Variants in SPTBN1 observed in about 807,000 individuals in gnomAD.
The protein encoded by SPTBN1 is spectrin beta chain, non-erythrocytic 1.
A neutral mutation model predicts 266.4 loss-of-function variants in SPTBN1; 32 were observed. The observed-to-expected ratio is 0.12, with a 90% CI of 0.09 to 0.16. SPTBN1 has a LOEUF of 0.16. Ranked by LOEUF, SPTBN1 falls within the 10% of genes least tolerant of loss-of-function variation. The pLI is 1.00. For missense variants in SPTBN1, 2,296 were observed against 3,067.1 expected (o/e 0.75, Z 5.94); for synonymous variants, 1,336 against 1,162.2 (o/e 1.15, Z -3.04).
chr2:54,558,447 G>T lies in SPTBN1; in HGVS notation c.148+31881G>T. 4.8e-6 allele frequency: 5 copies of T among 1,051,742 alleles called. No individual in the cohort carries two copies. Among genetic ancestry groups the T allele is most frequent in the Non-Finnish European group, 5.7e-6 (5 of 872,582 alleles). 65.2% of individuals were successfully genotyped at this position (1,051,742 alleles called of 1,614,324 possible). ...GGGCTCGGCAACCGTGGCATGCTTA[G>T]GATTGGCCATATTTAAAAGTTCTGA... On this transcript the variant is annotated intron_variant, in intron 2 of 35. Coordinates refer to ENST00000356805, the MANE Select transcript of SPTBN1 (RefSeq NM_003128.3). This position sits in a 1 kb window ranked among gnomAD's most constrained non-coding sequence, Gnocchi z 4.6.
chr2:54,608,202 A>G (rs62134704), intron 3 of SPTBN1, among the ~76,000 whole-genome samples: 1 of 152,226 alleles, frequency 6.6e-6, no homozygotes, highest in Non-Finnish European at 1.5e-5. Flanking sequence ...ACCCCTGAGA[A>G]TATAGAAGTA....
intron 31 of SPTBN1, 112 bp from the exon 32 acceptor site, chr2:54,659,823 GA>G: frequency 6.8e-7 from 1 of 1,462,136 alleles, no homozygotes; most frequent in Non-Finnish European, 9.0e-7. Context: ...TAAATTATGT[GA>G]AAAGGTTGCA....
intron 1 of SPTBN1, among the ~76,000 whole-genome samples, chr2:54,459,025 G>A (rs1014810859): frequency 2.6e-5 from 4 of 152,134 alleles, no homozygotes; most frequent in Non-Finnish European, 5.9e-5. Flanking sequence ...ATCGTGTTGC[G>A]TACAGATTTT....
intron 17 of SPTBN1, among the ~76,000 whole-genome samples, chr2:54,637,502 T>G (rs1679231756): frequency 6.6e-6 from 1 of 152,198 alleles, no homozygotes; most frequent in Admixed American, 6.5e-5. Context: ...GTTGTGTGGT[T>G]TGGGCAGATT....
chr2:54,572,002 C>A (rs182012585), intron 2 of SPTBN1, among the ~76,000 whole-genome samples: 4 of 152,130 alleles, frequency 2.6e-5, no homozygotes, highest in African/African-American at 4.8e-5. Context: ...TTAATATGAC[C>A]CTAGTGACAA....
intron 18 of SPTBN1, among the ~76,000 whole-genome samples, chr2:54,641,895 A>G (rs1679590626): frequency 4.6e-5 from 7 of 152,160 alleles, no homozygotes; most frequent in Admixed American, 3.9e-4. Flanking sequence ...TACTGGTTTT[A>G]TGTGTCACTT....
At chr2:54,639,133 A>G (rs1679359757) in intron 18 of SPTBN1, among the ~76,000 whole-genome samples, 1 of 152,260 alleles carries the variant, frequency 6.6e-6, no homozygotes, top group Admixed American at 6.5e-5. Flanking sequence ...CGCAAGCATT[A>G]GTAACCCATT....
At chr2:54,606,003 T>G (rs1676816372) in intron 3 of SPTBN1, among the ~76,000 whole-genome samples, 1 of 152,156 alleles carries the variant, frequency 6.6e-6, no homozygotes, top group African/African-American at 2.4e-5. Context: ...TCCCACACCC[T>G]GGACCCCATG....
intron 2 of SPTBN1, among the ~76,000 whole-genome samples, chr2:54,573,251 T>G (rs564531263): frequency 6.6e-6 from 1 of 152,194 alleles, no homozygotes; most frequent in South Asian, 2.1e-4. Flanking sequence ...GGACTGGTTT[T>G]GTAGAAGACA....
Position 54,645,524 on chromosome 2 carries a change from A to C in SPTBN1, c.4494+71A>C, listed in dbSNP as rs1415980566. 25 of 1,506,658 alleles carry C rather than the reference A, an allele frequency of 1.7e-5. No homozygotes were observed. Among genetic ancestry groups the C allele is most frequent in the Non-Finnish European group, 1.9e-5 (21 of 1,105,604 alleles). The allele number at this position is 1,506,658 out of a possible 1,614,324, so 93.3% of individuals were successfully genotyped here. A position where few individuals can be genotyped will look rare whatever the true frequency, so the allele number is the denominator to read the frequency against. On this transcript the variant is annotated intron_variant, in intron 21 of 35. Transcript: ENST00000356805. This position sits in a 1 kb window ranked among gnomAD's most constrained non-coding sequence, Gnocchi z 4.3. ...TGCCTGTGCTAAAGCCCACATTCTC[A>C]CTTCTCAGTCATCCTCACCTTGGGC...
chr2:54,546,199 A>G (rs2104414114), intron 2 of SPTBN1, among the ~76,000 whole-genome samples: 1 of 152,314 alleles, frequency 6.6e-6, no homozygotes, highest in African/African-American at 2.4e-5. Flanking sequence ...TTGATCAGTA[A>G]GAACCTTGGT....
In SPTBN1 at chr2:54,670,958, GT is replaced by G. The variant is rs980976533; in HGVS notation, c.*2399del. The G allele has an allele frequency of 3.9e-4, 132 of 342,750 alleles. No homozygotes were observed. The highest frequency in any genetic ancestry group is 7.6e-4 in the Middle Eastern group (1 of 1,324). 21.2% of individuals were successfully genotyped at this position (342,750 alleles called of 1,614,324 possible). A position where few individuals can be genotyped will look rare whatever the true frequency, so the allele number is the denominator to read the frequency against. ...AGGGTAAATAGTTTTTGGGTTTTTT[GT>G]TTTTTTTTTATTCTTCCACTATCAT... On this transcript the variant is annotated 3_prime_UTR_variant, in exon 36 of 36. Coordinates refer to ENST00000356805, the MANE Select transcript of SPTBN1 (RefSeq NM_003128.3).
chr2:54,585,681 T>C (rs1214184423), intron 2 of SPTBN1, among the ~76,000 whole-genome samples: 2 of 152,236 alleles, frequency 1.3e-5, no homozygotes, highest in Non-Finnish European at 2.9e-5. Context: ...TGAGCTCTCA[T>C]GGAGTCAGAA....
intron 26 of SPTBN1, among the ~76,000 whole-genome samples, chr2:54,652,064 A>C (rs1680333582): frequency 6.6e-6 from 1 of 152,114 alleles, no homozygotes; most frequent in Non-Finnish European, 1.5e-5. Context: ...GACATCTAAA[A>C]GCTCTCATAA....
chr2:54,509,160 A>G (rs1216041134), intron 1 of SPTBN1, among the ~76,000 whole-genome samples: 2 of 152,230 alleles, frequency 1.3e-5, no homozygotes, highest in Admixed American at 6.5e-5. Context: ...TGGAACTGCC[A>G]TCAATAAACC....
chr2:54,617,206 C>T (rs1280999054), intron 5 of SPTBN1, among the ~76,000 whole-genome samples: 2 of 152,184 alleles, frequency 1.3e-5, no homozygotes, highest in Admixed American at 1.3e-4. Flanking sequence ...AACAGATAGT[C>T]CCACCACTTC....
chr2:54,657,676 A>G (rs1445043154), intron 29 of SPTBN1, among the ~76,000 whole-genome samples, 174 bp from the exon 30 acceptor site: 2 of 152,230 alleles, frequency 1.3e-5, no homozygotes, highest in Admixed American at 6.5e-5. Context: ...GGAAAAGTCA[A>G]AGTTGCAAGT....
At chr2:54,613,823 A>C (rs1174938536) in intron 4 of SPTBN1, among the ~76,000 whole-genome samples, 1 of 152,202 alleles carries the variant, frequency 6.6e-6, no homozygotes, top group Non-Finnish European at 1.5e-5. Flanking sequence ...CAGAGGTGAA[A>C]TTATTAGCAG....
intron 2 of SPTBN1, among the ~76,000 whole-genome samples, chr2:54,549,289 CAAAAA>C (rs35199228): frequency 5.5e-5 from 6 of 108,770 alleles, no homozygotes; most frequent in African/African-American, 3.5e-5. Flanking sequence ...AACTCTGTCT[CAAAAA>C]AAAAAAAAAA....
Sources: allele counts gnomAD v4.1 joint callset (sites outside exome capture counted in the v4.1 genomes callset), GRCh38; gene constraint gnomAD v4.1.1; non-coding constraint Gnocchi (gnomAD v3.1); transcripts MANE v1.5; gene names NCBI Gene and HGNC (gene_info 2026-07-23, HGNC 2026-07-21).